Variants in PTPRM observed in about 807,000 individuals in gnomAD.
PTPRM encodes the protein receptor-type tyrosine-protein phosphatase mu.
PTPRM carries 47 observed loss-of-function variants against 186.7 expected under a neutral mutation model. The observed-to-expected ratio is 0.25, with a 90% CI of 0.20 to 0.32. PTPRM has a LOEUF of 0.32. Ranked by LOEUF, PTPRM falls within the 10% of genes least tolerant of loss-of-function variation. The pLI is 1.00. For missense variants in PTPRM, 1,494 were observed against 1,865.0 expected (o/e 0.80, Z 3.66); for synonymous variants, 668 against 674.9 (o/e 0.99, Z 0.16).
At chr18:7,726,096 C>G (rs1184887967) in intron 1 of PTPRM, among the ~76,000 whole-genome samples, 1 of 152,184 alleles carries the variant, frequency 6.6e-6, no homozygotes, top group East Asian at 1.9e-4. Context: ...CACTCCCCCT[C>G]CTGTGAGGTT....
At chr18:8,350,826 C>T (rs922963711) in intron 23 of PTPRM, among the ~76,000 whole-genome samples, 4 of 152,304 alleles carry the variant, frequency 2.6e-5, no homozygotes, top group East Asian at 1.9e-4. Flanking sequence ...TTGCCACACA[C>T]GCCCAGCACT....
intron 1 of PTPRM, among the ~76,000 whole-genome samples, chr18:7,617,974 C>T (rs896156889): frequency 6.6e-6 from 1 of 152,116 alleles, no homozygotes; most frequent in Non-Finnish European, 1.5e-5. Flanking sequence ...GAATGAGGAG[C>T]GGCAGAGACT....
chr18:8,189,343 T>G (rs1031303599), intron 14 of PTPRM, among the ~76,000 whole-genome samples: 1 of 150,490 alleles, frequency 6.6e-6, no homozygotes, highest in East Asian at 2.0e-4. Context: ...AAACATCCCC[T>G]GTTTTTGGAG....
chr18:8,246,696 A>G (rs183340918), intron 15 of PTPRM, among the ~76,000 whole-genome samples: 3 of 152,214 alleles, frequency 2.0e-5, no homozygotes, highest in Admixed American at 2.0e-4. Flanking sequence ...TACCATAAAC[A>G]TGCGTTGTAA....
rs1423390452 is a variant in PTPRM at position 7,597,328 on chromosome 18, T to C, written c.73+29437T>C. On this transcript the variant is annotated intron_variant, in intron 1 of 32. Transcript: ENST00000580170. Reference sequence around the variant, plus strand: ...GGGCTGGTGAGAGAATGCTGTTCTCTCTGTGTTCTCTTCTGGTCCCTTTGC... The same window carrying C: ...GGGCTGGTGAGAGAATGCTGTTCTCCCTGTGTTCTCTTCTGGTCCCTTTGC... Among the ~76,000 whole-genome samples the C allele has an allele frequency of 2.0e-5, 3 of 152,332 alleles. No individual in the cohort carries two copies. In the East Asian group the frequency reaches 5.8e-4, roughly 29 times the overall value.
intron 1 of PTPRM, among the ~76,000 whole-genome samples, chr18:7,629,256 G>A (rs1050480710): frequency 5.3e-5 from 8 of 152,200 alleles, no homozygotes; most frequent in Non-Finnish European, 1.2e-4. Flanking sequence ...GTCCACAGAA[G>A]GGATGGATTG....
chr18:8,221,922 C>A (rs1207023385), intron 14 of PTPRM, among the ~76,000 whole-genome samples: 5 of 152,178 alleles, frequency 3.3e-5, no homozygotes, highest in Non-Finnish European at 7.3e-5. Context: ...AAGGCAAATA[C>A]CACACTGTAC....
chr18:7,672,500 A>G (rs1168682543), intron 1 of PTPRM, among the ~76,000 whole-genome samples: 1 of 151,774 alleles, frequency 6.6e-6, no homozygotes, highest in East Asian at 1.9e-4. Flanking sequence ...AAAGAATGAG[A>G]AACAAAGAAG....
At chr18:8,362,263 C>T (rs2095601694) in intron 23 of PTPRM, among the ~76,000 whole-genome samples, 1 of 152,186 alleles carries the variant, frequency 6.6e-6, no homozygotes, top group African/African-American at 2.4e-5. Context: ...GCAGCCCATC[C>T]CAGCAGGGCA....
chr18:7,771,971 C>T (rs1158584575), intron 1 of PTPRM, among the ~76,000 whole-genome samples: 5 of 152,198 alleles, frequency 3.3e-5, no homozygotes, highest in Admixed American at 1.3e-4. Flanking sequence ...GACTCAGTGG[C>T]AGTGGTGTAC....
intron 20 of PTPRM, among the ~76,000 whole-genome samples, chr18:8,298,064 G>A (rs544760934): frequency 1.3e-5 from 2 of 152,328 alleles, no homozygotes; most frequent in South Asian, 2.1e-4. Context: ...ACCCAACCGG[G>A]CAGTCAGATC....
At chr18:7,605,553 C>T (rs897937418) in intron 1 of PTPRM, among the ~76,000 whole-genome samples, 2 of 152,084 alleles carry the variant, frequency 1.3e-5, no homozygotes, top group African/African-American at 4.8e-5. Context: ...AAAATGAGCT[C>T]GTCTTTTTAA....
intron 13 of PTPRM, among the ~76,000 whole-genome samples, chr18:8,134,683 G>A (rs557167570): frequency 1.3e-5 from 2 of 151,976 alleles, no homozygotes; most frequent in African/African-American, 2.4e-5. Flanking sequence ...TTTTTCTTTC[G>A]GAATTATTAG....
chr18:7,601,469 T>C (rs2037401259), intron 1 of PTPRM, among the ~76,000 whole-genome samples: 1 of 152,222 alleles, frequency 6.6e-6, no homozygotes, highest in Non-Finnish European at 1.5e-5. Flanking sequence ...GCAGCTACGC[T>C]CCTTCCTAAG....
intron 1 of PTPRM, among the ~76,000 whole-genome samples, chr18:7,770,013 C>T (rs1457918771): frequency 6.6e-6 from 1 of 152,128 alleles, no homozygotes; most frequent in African/African-American, 2.4e-5. Flanking sequence ...TGATTCCCCC[C>T]TGTGAAACAT....
chr18:8,088,997 G>T, intron 11 of PTPRM, 146 bp downstream of exon 11: 2 of 622,096 alleles, frequency 3.2e-6, no homozygotes, highest in Non-Finnish European at 5.6e-6. Flanking sequence ...TAAAAGTAAT[G>T]ACTGAGGAAA....
chr18:8,380,888 A>ACAGGTAGAGATCGTCATGCAGGG (rs1376161712), intron 29 of PTPRM, among the ~76,000 whole-genome samples: 14 of 152,156 alleles, frequency 9.2e-5, no homozygotes, highest in Admixed American at 7.9e-4. Flanking sequence ...CCGGGAGCCT[A>ACAGGTAGAGATCGTCATGCAGGG]CAGGTAGAGA....
chr18:7,683,163 A>ATT (rs761087539), intron 1 of PTPRM, among the ~76,000 whole-genome samples: 13,268 of 123,304 alleles, frequency 0.11, 860 homozygotes, highest in South Asian at 0.18. Flanking sequence ...TTGGCTTGCC[A>ATT]TTTTTTTTTT....
chr18:7,694,899 G>T (rs1248612489), intron 1 of PTPRM, among the ~76,000 whole-genome samples: 9 of 152,096 alleles, frequency 5.9e-5, no homozygotes, highest in Non-Finnish European at 1.2e-4. Flanking sequence ...GAAAGAAACA[G>T]AAACAAAGCT....
Sources: gnomAD v4.1 joint callset for allele counts (sites outside exome capture counted in the v4.1 genomes callset) on GRCh38, gnomAD v4.1.1 for gene constraint, MANE v1.5 for transcripts, NCBI Gene and HGNC (gene_info 2026-07-23, HGNC 2026-07-21) for gene names.